KCND2: variants seen among roughly 807,000 people sequenced by gnomAD.
KCND2 encodes A-type voltage-gated potassium channel KCND2.
KCND2 carries 16 observed loss-of-function variants against 54.4 expected under a neutral mutation model. The observed-to-expected ratio is 0.29, with a 90% confidence interval of 0.20 to 0.45. KCND2 has a LOEUF of 0.45. Ranked by LOEUF, KCND2 falls within the 20% of genes least tolerant of loss-of-function variation. The pLI, the probability that KCND2 is intolerant of heterozygous loss-of-function variation, is 1.00. For synonymous variants in KCND2, 317 were observed against 310.7 expected (o/e 1.02, Z -0.21); for missense variants, 486 against 824.2 (o/e 0.59, Z 5.02).
At chr7:120,296,440 A>G (rs1799515170) in intron 1 of KCND2, among the ~76,000 whole-genome samples, 1 of 152,112 alleles carries the variant, frequency 6.6e-6, no homozygotes, top group Non-Finnish European at 1.5e-5. Context: ...TTTCTATTTC[A>G]ATTAATTCTC....
chr7:120,343,152 A>G (rs1002426676), intron 1 of KCND2, among the ~76,000 whole-genome samples: 1 of 152,154 alleles, frequency 6.6e-6, no homozygotes, highest in African/African-American at 2.4e-5. Flanking sequence ...GTTTTTGGCC[A>G]CATGTTGATG....
chr7:120,373,952 G>A (rs898716428), intron 1 of KCND2, among the ~76,000 whole-genome samples: 15 of 151,446 alleles, frequency 9.9e-5, no homozygotes, highest in East Asian at 1.9e-4. Context: ...ATATTCTATC[G>A]CATTTGGGGC....
At chr7:120,632,862 A>T (rs974111258) in intron 1 of KCND2, among the ~76,000 whole-genome samples, 2 of 152,336 alleles carry the variant, frequency 1.3e-5, no homozygotes, top group Admixed American at 1.3e-4. Context: ...AGACAAGCCA[A>T]CATCTACCTC....
intron 1 of KCND2, among the ~76,000 whole-genome samples, chr7:120,385,426 C>T (rs745740498): frequency 1.3e-5 from 2 of 151,996 alleles, no homozygotes; most frequent in Non-Finnish European, 2.9e-5. Context: ...AAATGTTGGT[C>T]GAATAAGTGA....
intron 1 of KCND2, among the ~76,000 whole-genome samples, chr7:120,293,792 G>A (rs982231293): frequency 6.6e-6 from 1 of 151,812 alleles, no homozygotes; most frequent in Non-Finnish European, 1.5e-5. Context: ...ACTCAGAAAT[G>A]ATTGATGTTA....
Position 120,401,098 on chromosome 7 carries a change from G to C in KCND2, c.1115+125351G>C, listed in dbSNP as rs185972265. On this transcript the variant is annotated intron_variant, in intron 1 of 5. Coordinates refer to ENST00000331113, the MANE Select transcript of KCND2 (RefSeq NM_012281.3). ...ATTTGGTAATATGGACAGATTACAG[G>C]ACAGCCTATGGATCCAGTGTTCCAA... Among the ~76,000 whole-genome samples, 12 of 152,186 alleles carry C rather than the reference G, an allele frequency of 7.9e-5. No individual in the cohort carries two copies. In the East Asian group the frequency reaches 2.1e-3, roughly 27 times the overall value.
rs143324559 is a variant in KCND2 at position 120,516,436 on chromosome 7, C to T, written c.1116-216467C>T. Among the ~76,000 whole-genome samples the T allele has an allele frequency of 3.2e-3, 488 of 152,152 alleles. 2 individuals carry two copies. Among genetic ancestry groups the T allele is most frequent in the Middle Eastern group, 0.02 (6 of 294 alleles). ...ATTGTTGTTTCTTAGTCCAGTCTTA[C>T]TTTTTTCTCCCTTTTCCAATAAAAG... is the stretch of plus-strand genomic sequence containing the variant. On this transcript the variant is annotated intron_variant, in intron 1 of 5. Transcript: ENST00000331113.
rs148899184 is a variant in KCND2, at chr7:120,282,255, C to G, written c.1115+6508C>G. 8.2e-3 allele frequency among the ~76,000 whole-genome samples: 1,241 copies of G among 152,262 alleles called. 13 individuals carry two copies. Among genetic ancestry groups the G allele is most frequent in the African/African-American group, 0.028 (1,163 of 41,544 alleles). ...GATGCTTCATCACTAGAAAGGTGTT[C>G]TCTCTTACCAGTAACACAAGCTGGA... On this transcript the variant is annotated intron_variant, in intron 1 of 5. Coordinates refer to ENST00000331113, the MANE Select transcript of KCND2 (RefSeq NM_012281.3).
intron 1 of KCND2, among the ~76,000 whole-genome samples, chr7:120,573,393 G>A (rs1350868484): frequency 6.6e-6 from 1 of 152,178 alleles, no homozygotes; most frequent in East Asian, 1.9e-4. Flanking sequence ...CTCTATCAGA[G>A]ATATGGAAAG....
chr7:120,365,266 G>A (rs947838340), intron 1 of KCND2, among the ~76,000 whole-genome samples: 20 of 151,894 alleles, frequency 1.3e-4, no homozygotes, highest in African/African-American at 4.6e-4. Flanking sequence ...GCTAATTCAG[G>A]GATACTAATT....
chr7:120,337,758 G>A (rs148224995), intron 1 of KCND2, among the ~76,000 whole-genome samples: 116 of 152,220 alleles, frequency 7.6e-4, no homozygotes, highest in African/African-American at 2.7e-3. Context: ...CTGATTATTC[G>A]TTTACAAAAG....
intron 1 of KCND2, among the ~76,000 whole-genome samples, chr7:120,677,524 T>G (rs187336358): frequency 0.038 from 4,899 of 128,944 alleles, 159 homozygotes; most frequent in African/African-American, 0.11. Context: ...CAAATATATA[T>G]ATATAGATAT....
intron 1 of KCND2, among the ~76,000 whole-genome samples, chr7:120,632,420 CT>C (rs1393578704): frequency 6.6e-6 from 1 of 152,096 alleles, no homozygotes; most frequent in Non-Finnish European, 1.5e-5. Flanking sequence ...ATTACAGTTA[CT>C]ACTTTTTTTA....
intron 1 of KCND2, among the ~76,000 whole-genome samples, chr7:120,526,925 C>T (rs905846103): frequency 4.0e-5 from 6 of 151,888 alleles, no homozygotes; most frequent in African/African-American, 1.5e-4. Flanking sequence ...ATATGACTTC[C>T]TTATAACTGG....
intron 1 of KCND2, among the ~76,000 whole-genome samples, chr7:120,436,644 G>T (rs1484869992): frequency 6.6e-6 from 1 of 152,218 alleles, no homozygotes; most frequent in Middle Eastern, 3.4e-3. Context: ...CAGGTGGGGG[G>T]CCATCTGGCC....
At chr7:120,596,131 T>A (rs1792743029) in intron 1 of KCND2, among the ~76,000 whole-genome samples, 1 of 152,212 alleles carries the variant, frequency 6.6e-6, no homozygotes, top group African/African-American at 2.4e-5. Flanking sequence ...GCCCTTATTT[T>A]GTTTACTTAG....
At chr7:120,445,556 T>G (rs1563048511) in intron 1 of KCND2, among the ~76,000 whole-genome samples, 1 of 152,180 alleles carries the variant, frequency 6.6e-6, no homozygotes, top group Non-Finnish European at 1.5e-5. Flanking sequence ...TTCATAAGAT[T>G]GTTATGAAAC....
At chr7:120,351,222 CATATT>C (rs1227989837) in intron 1 of KCND2, among the ~76,000 whole-genome samples, 2 of 118,756 alleles carry the variant, frequency 1.7e-5, no homozygotes, top group East Asian at 2.4e-4. Flanking sequence ...ACAATACCAT[CATATT>C]ATATATTTAT....
rs777393457 is a variant in KCND2 at position 120,741,643 on chromosome 7, C to T, written c.1374+14C>T. The T allele has an allele frequency of 1.3e-6, 2 of 1,554,720 alleles. No homozygotes were observed. Among genetic ancestry groups the T allele is most frequent in the Non-Finnish European group, 1.8e-6 (2 of 1,126,388 alleles). On this transcript the variant is annotated intron_variant, in intron 3 of 5. Coordinates refer to ENST00000331113, the MANE Select transcript of KCND2 (RefSeq NM_012281.3). ...AATCAGCTGCAGGTACAATCAATTA[C>T]ATCTCTTTTTTTAATGTTCAATTTC... is the stretch of plus-strand genomic sequence containing the variant.
Sources: gnomAD v4.1 joint callset for allele counts (sites outside exome capture counted in the v4.1 genomes callset) on GRCh38, gnomAD v4.1.1 for gene constraint, MANE v1.5 for transcripts, NCBI Gene and HGNC (gene_info 2026-07-23, HGNC 2026-07-21) for gene names.